The following SLC14A2 variants were observed in gnomAD, a reference collection of about 807,000 sequenced individuals.
SLC14A2 encodes the protein solute carrier family 14 member 2, also known as urea transporter 2.
A neutral mutation model predicts 104.6 loss-of-function variants in SLC14A2; 91 were observed. The ratio of observed to expected loss-of-function variants is 0.87; its 90% CI spans 0.73 to 1.04. The LOEUF is 1.04. SLC14A2 is among the 50% of genes least tolerant of loss of function. SLC14A2 has a pLI of 0.00. For missense variants in SLC14A2, 1,189 were observed against 1,156.0 expected, an observed-to-expected ratio of 1.03 and a Z score of -0.41; for synonymous variants, 476 against 466.4, an observed-to-expected ratio of 1.02 and a Z score of -0.27.
At chr18:45,590,522 A>T (rs1306182403) in intron 2 of SLC14A2, among the ~76,000 whole-genome samples, 1 of 152,208 alleles carries the variant, frequency 6.6e-6, no homozygotes, top group East Asian at 1.9e-4. Context: ...GCCACAGGAC[A>T]TGGGCAATTG....
At chr18:45,618,986 A>G (rs1448434489) in intron 1 of SLC14A2, among the ~76,000 whole-genome samples, 4 of 152,212 alleles carry the variant, frequency 2.6e-5, no homozygotes, top group Non-Finnish European at 5.9e-5. Context: ...AATTAGTACA[A>G]TAGAGCAGGA....
intron 1 of SLC14A2, among the ~76,000 whole-genome samples, chr18:45,450,683 G>A (rs1295569418): frequency 3.3e-5 from 5 of 152,136 alleles, no homozygotes; most frequent in African/African-American, 1.2e-4. Context: ...TATCTGCAAG[G>A]TTACACTCTG....
At chr18:45,284,838 A>G (rs899934490) in intron 1 of SLC14A2, among the ~76,000 whole-genome samples, 3 of 152,162 alleles carry the variant, frequency 2.0e-5, no homozygotes. Context: ...TGCAAATGGG[A>G]ATGATGAGGG....
chr18:45,240,652 T>TG lies in SLC14A2; in HGVS notation c.-125+27461_-125+27462insG, dbSNP rs1555667385. 6.3e-3 allele frequency among the ~76,000 whole-genome samples: 921 copies of TG among 146,364 alleles called. 18 individuals carry two copies. The highest frequency in any genetic ancestry group is 0.024 in the African/African-American group (869 of 36,260). ...AGTGTTTTTTTTTTGTTTTTTTTGT[T>TG]TTTGTTTTTGGTTTTGCCTTTTTGA... On this transcript the variant is annotated intron_variant, in intron 1 of 20. Coordinates refer to the SLC14A2 transcript ENST00000586448.
At chr18:45,624,469 A>G (rs1018004039) in intron 1 of SLC14A2, among the ~76,000 whole-genome samples, 162 bp from the exon 2 acceptor site, 2 of 152,138 alleles carry the variant, frequency 1.3e-5, no homozygotes, top group African/African-American at 2.4e-5. Flanking sequence ...TTTGAAAGGT[A>G]ATGAGGTAGA....
intron 2 of SLC14A2, among the ~76,000 whole-genome samples, chr18:45,557,389 G>A (rs1264047594): frequency 2.0e-5 from 3 of 152,208 alleles, no homozygotes; most frequent in Non-Finnish European, 4.4e-5. Context: ...CTCAAGCCAG[G>A]CTGCCAGGCT....
chr18:45,667,158 A>G, intron 13 of SLC14A2, 64 bp downstream of exon 13: 1 of 1,389,562 alleles, frequency 7.2e-7, no homozygotes, highest in Non-Finnish European at 9.9e-7. Context: ...CATCCCCAGG[A>G]AACCCATTGC....
intron 1 of SLC14A2, among the ~76,000 whole-genome samples, chr18:45,446,391 C>G (rs2086770172): frequency 6.6e-6 from 1 of 152,156 alleles, no homozygotes; most frequent in Non-Finnish European, 1.5e-5. Flanking sequence ...GACCAGAGCT[C>G]TCTCTTTCCA....
intron 1 of SLC14A2, among the ~76,000 whole-genome samples, chr18:45,393,959 A>T (rs1018534647): frequency 7.2e-5 from 11 of 152,198 alleles, no homozygotes; most frequent in Non-Finnish European, 4.4e-5. Flanking sequence ...GATGGGATCC[A>T]GATTCAGGTC....
At chr18:45,312,579 G>GA (rs1245422841) in intron 1 of SLC14A2, among the ~76,000 whole-genome samples, 1 of 152,096 alleles carries the variant, frequency 6.6e-6, no homozygotes, top group Non-Finnish European at 1.5e-5. Context: ...ATGTGGATCA[G>GA]AAAAAATTAT....
intron 1 of SLC14A2, among the ~76,000 whole-genome samples, chr18:45,415,786 C>T (rs1048284745): frequency 2.0e-5 from 3 of 152,128 alleles, no homozygotes; most frequent in Non-Finnish European, 4.4e-5. Flanking sequence ...GCGATCTTAA[C>T]ATCGAACCAC....
chr18:45,237,053 T>C (rs557990690), intron 1 of SLC14A2, among the ~76,000 whole-genome samples: 5 of 152,220 alleles, frequency 3.3e-5, no homozygotes, highest in Admixed American at 2.0e-4. Context: ...GGAGACCCAC[T>C]ATAGCCAACA....
chr18:45,370,649 A>G (rs953767634), intron 1 of SLC14A2, among the ~76,000 whole-genome samples: 1 of 152,092 alleles, frequency 6.6e-6, no homozygotes, highest in African/African-American at 2.4e-5. Context: ...GGGCGCCCAG[A>G]AAGAGTGCAC....
chr18:45,564,677 T>C (rs13382004), intron 2 of SLC14A2, among the ~76,000 whole-genome samples: 63,510 of 152,060 alleles, frequency 0.42, 13,426 homozygotes, highest in African/African-American at 0.47. Context: ...GAGATTATAG[T>C]TGAAATATCT....
rs77196209 is a variant in SLC14A2, at chr18:45,632,323, T to C, written c.522-27T>C. On this transcript the variant is annotated intron_variant, in intron 4 of 19. Coordinates refer to ENST00000255226, the MANE Select transcript of SLC14A2 (RefSeq NM_007163.4). ...GCCCAGTAACACCACCAACTTCAAA[T>C]GCAAAATCAGTCTGTTTCACCGCCA... 3.6e-3 allele frequency: 5,854 copies of C among 1,605,452 alleles called. 215 individuals are homozygous for C. The African/African-American group carries it at 0.069, about 19-fold the overall frequency.
At chr18:45,578,926 A>G (rs2044451800) in intron 2 of SLC14A2, among the ~76,000 whole-genome samples, 1 of 152,248 alleles carries the variant, frequency 6.6e-6, no homozygotes, top group African/African-American at 2.4e-5. Flanking sequence ...GTGGGCAGCT[A>G]GAAGGTCAGC....
intron 1 of SLC14A2, among the ~76,000 whole-genome samples, chr18:45,379,672 A>T (rs369268256): frequency 5.3e-5 from 8 of 152,230 alleles, no homozygotes; most frequent in Admixed American, 1.3e-4. Flanking sequence ...GAGTACATCA[A>T]CTTTTATCAA....
At chr18:45,598,753 T>C (rs1314276749) in intron 2 of SLC14A2, among the ~76,000 whole-genome samples, 4 of 152,166 alleles carry the variant, frequency 2.6e-5, no homozygotes, top group Non-Finnish European at 5.9e-5. Flanking sequence ...TTTCTAACAA[T>C]TCGCTCTGAG....
At chr18:45,451,227 C>T (rs1475381255) in intron 1 of SLC14A2, among the ~76,000 whole-genome samples, 2 of 152,008 alleles carry the variant, frequency 1.3e-5, no homozygotes, top group Non-Finnish European at 1.5e-5. Flanking sequence ...ACTGAATGCC[C>T]AGTTGAAAAT....
Sources: allele counts gnomAD v4.1 joint callset (sites outside exome capture counted in the v4.1 genomes callset), GRCh38; gene constraint gnomAD v4.1.1; transcripts MANE v1.5; gene names NCBI Gene and HGNC (gene_info 2026-07-23, HGNC 2026-07-21).